Variants in HSF2BP observed in about 807,000 individuals in gnomAD.
The protein encoded by HSF2BP is heat shock transcription factor 2 binding protein, also known as heat shock factor 2-binding protein.
A neutral mutation model predicts 35.0 loss-of-function variants in HSF2BP; 35 were observed. The ratio of observed to expected loss-of-function variants is 1.00; its 90% CI spans 0.76 to 1.32. HSF2BP has a LOEUF of 1.32. Ranked by LOEUF, HSF2BP falls within the 40% of genes most tolerant of loss-of-function variation. HSF2BP has a pLI of 0.00. For missense variants in HSF2BP, 326 were observed against 321.7 expected (o/e 1.01, Z -0.10); for synonymous variants, 114 against 117.4 (o/e 0.97, Z 0.18).
At chr21:43,630,256 G>A (rs1020151398) in intron 6 of HSF2BP, 66 bp downstream of exon 6, 2 of 1,394,814 alleles carry the variant, frequency 1.4e-6, no homozygotes, top group Non-Finnish European at 1.9e-6. Flanking sequence ...TATTATTGCA[G>A]TATTTGCTTT....
chr21:43,647,939 A>AAC (rs1568941403), intron 3 of HSF2BP, among the ~76,000 whole-genome samples: 5 of 148,632 alleles, frequency 3.4e-5, no homozygotes, highest in Non-Finnish European at 3.0e-5. Flanking sequence ...AAAAAAAAAA[A>AAC]AAAAAAAAAA....
intron 3 of HSF2BP, among the ~76,000 whole-genome samples, chr21:43,652,605 C>T (rs886911523): frequency 6.6e-6 from 1 of 151,942 alleles, no homozygotes; most frequent in African/African-American, 2.4e-5. Flanking sequence ...AAGACAGGCT[C>T]GTGGGAAGGC....
At chr21:43,587,632 T>G (rs929032215) in intron 8 of HSF2BP, among the ~76,000 whole-genome samples, 3 of 119,766 alleles carry the variant, frequency 2.5e-5, no homozygotes, top group Admixed American at 2.2e-4. Flanking sequence ...ACCATTGCAC[T>G]CCAACCTGGA....
rs574899715 is a variant in HSF2BP at position 43,638,330 on chromosome 21, C to T, written c.292-4909G>A. Among the ~76,000 whole-genome samples the T allele has an allele frequency of 9.7e-4, 148 of 152,120 alleles. 1 individual carries two copies. The highest frequency in any genetic ancestry group is 3.3e-3 in the African/African-American group (139 of 41,498). On this transcript the variant is annotated intron_variant, in intron 4 of 8. Transcript: ENST00000291560. ...AAAATTACCCAGGCATGGTGGCGCA[C>T]ATCTGTAATCCCAGCTACTCGTGAG...
intron 7 of HSF2BP, among the ~76,000 whole-genome samples, chr21:43,603,584 G>A (rs942372509): frequency 7.2e-5 from 11 of 152,208 alleles, no homozygotes; most frequent in African/African-American, 1.7e-4. Context: ...AGGCTGATGG[G>A]AATGGGGAAA....
At chr21:43,573,217 C>T (rs538997693) in intron 8 of HSF2BP, among the ~76,000 whole-genome samples, 6 of 152,322 alleles carry the variant, frequency 3.9e-5, no homozygotes, top group Admixed American at 3.3e-4. Context: ...GAAGAGCCAC[C>T]TTTCTAATGC....
chr21:43,629,318 C>A (rs531019141), intron 6 of HSF2BP, among the ~76,000 whole-genome samples: 28 of 152,134 alleles, frequency 1.8e-4, no homozygotes, highest in Middle Eastern at 3.2e-3. Context: ...ATAATCCCAG[C>A]ACTTTGGGAG....
chr21:43,583,553 C>T (rs1311559754), intron 8 of HSF2BP, among the ~76,000 whole-genome samples: 3 of 130,394 alleles, frequency 2.3e-5, no homozygotes, highest in African/African-American at 9.0e-5. Flanking sequence ...AGATGAGGAC[C>T]TGCTGAGGGA....
At chr21:43,581,506 G>A (rs1476445684) in intron 8 of HSF2BP, among the ~76,000 whole-genome samples, 1 of 152,206 alleles carries the variant, frequency 6.6e-6, no homozygotes, top group Non-Finnish European at 1.5e-5. Context: ...AAAGCTGACT[G>A]CAAGCCATAG....
chr21:43,637,331 T>G (rs2082576825), intron 4 of HSF2BP, among the ~76,000 whole-genome samples: 1 of 152,178 alleles, frequency 6.6e-6, no homozygotes, highest in African/African-American at 2.4e-5. Flanking sequence ...TATATAATTC[T>G]GTTCCTACAA....
At chr21:43,629,748 C>T (rs2082431450) in intron 6 of HSF2BP, among the ~76,000 whole-genome samples, 1 of 152,170 alleles carries the variant, frequency 6.6e-6, no homozygotes, top group Non-Finnish European at 1.5e-5. Flanking sequence ...GAGATGGAAT[C>T]TACTCTTGGT....
intron 6 of HSF2BP, among the ~76,000 whole-genome samples, chr21:43,615,123 G>C (rs2082254964): frequency 2.6e-5 from 4 of 152,166 alleles, no homozygotes; most frequent in Admixed American, 6.5e-5. Flanking sequence ...GTATGTGTTT[G>C]TTAAGAGTTT....
rs1324514371 is a variant in HSF2BP at position 43,659,191 on chromosome 21, G to A, written c.-225+195C>T. Among the ~76,000 whole-genome samples, 1 of 152,004 alleles carries A rather than the reference G, an allele frequency of 6.6e-6. No individual in the cohort carries two copies. Among genetic ancestry groups the A allele is most frequent in the African/African-American group, 2.4e-5 (1 of 41,382 alleles). Reference sequence around the variant, plus strand: ...GCGCGCCTGTAGTCTCAGCTACTTGGGCGGTCGAGATGGGAGGATCGATCG... The same window carrying A: ...GCGCGCCTGTAGTCTCAGCTACTTGAGCGGTCGAGATGGGAGGATCGATCG... On this transcript the variant is annotated intron_variant, in intron 1 of 8. Transcript: ENST00000291560. The surrounding 1 kb of genome is among the most constrained non-coding windows in gnomAD (Gnocchi z 4.2).
At chr21:43,643,966 G>GAA (rs1568938553) in intron 4 of HSF2BP, among the ~76,000 whole-genome samples, 6 of 150,562 alleles carry the variant, frequency 4.0e-5, no homozygotes, top group African/African-American at 1.5e-4. Context: ...AAAAAAAAAA[G>GAA]GAAAAAAAAA....
intron 4 of HSF2BP, 128 bp downstream of exon 4, chr21:43,644,161 T>C (rs2082677357): frequency 3.1e-6 from 2 of 644,220 alleles, no homozygotes; most frequent in Non-Finnish European, 5.6e-6. Context: ...TCAGAATACA[T>C]ACATTTACAA....
rs1172360566 is a variant in HSF2BP, at chr21:43,624,057, A to G, written c.574+6265T>C. ...GAGCCACCAGCACATAAAATGGTAC[A>G]GTCACTGTGGAAACCTGTCTGGCAG... On this transcript the variant is annotated intron_variant, in intron 6 of 8. Transcript: ENST00000291560. Among the ~76,000 whole-genome samples, 5 of 152,250 alleles carry G rather than the reference A, an allele frequency of 3.3e-5. No individual in the cohort carries two copies. In the South Asian group the frequency reaches 8.3e-4, roughly 25 times the overall value.
chr21:43,614,038 C>T, intron 6 of HSF2BP, 91 bp from the exon 7 acceptor site: 1 of 904,766 alleles, frequency 1.1e-6, no homozygotes. Flanking sequence ...TCCTAAAAGA[C>T]CTAATGAAAA....
At chr21:43,617,096 G>A (rs999057880) in intron 6 of HSF2BP, among the ~76,000 whole-genome samples, 43 of 152,244 alleles carry the variant, frequency 2.8e-4, no homozygotes, top group African/African-American at 1.0e-3. Flanking sequence ...TTGGAGAGCA[G>A]AAGCAGCAAA....
intron 8 of HSF2BP, among the ~76,000 whole-genome samples, chr21:43,580,763 C>T (rs2146704295): frequency 6.6e-6 from 1 of 152,334 alleles, no homozygotes; most frequent in Admixed American, 6.5e-5. Flanking sequence ...CGGTGAAGAT[C>T]TTAAATATTT....
Sources: gnomAD v4.1 joint callset for allele counts (sites outside exome capture counted in the v4.1 genomes callset) on GRCh38, gnomAD v4.1.1 for gene constraint, Gnocchi (gnomAD v3.1) non-coding constraint, MANE v1.5 for transcripts, NCBI Gene and HGNC (gene_info 2026-07-23, HGNC 2026-07-21) for gene names.